TBX4: variants seen among roughly 807,000 people sequenced by gnomAD.
TBX4 encodes the protein T-box transcription factor 4.
A neutral mutation model predicts 54.6 loss-of-function variants in TBX4; 13 were observed. The observed-to-expected ratio is 0.24, with a 90% confidence interval of 0.15 to 0.38. TBX4 has a LOEUF of 0.38. Among genes scored for constraint, TBX4 ranks in the 10% least tolerant of loss-of-function variants. The probability of loss-of-function intolerance (pLI) is 1.00; values close to 1 mark genes in which losing one functional copy is unlikely to be tolerated. For synonymous variants in TBX4, 314 were observed against 306.7 expected, an observed-to-expected ratio of 1.02 and a Z score of -0.25; for missense variants, 631 against 728.5, an observed-to-expected ratio of 0.87 and a Z score of 1.54.
Position 61,479,779 on chromosome 17 carries a change from TGAGG to T in TBX4, c.703-93_703-90del. On this transcript the variant is annotated intron_variant, in intron 6 of 8. Coordinates refer to ENST00000644296, the MANE Select transcript of TBX4 (RefSeq NM_001321120.2). The surrounding 1 kb of genome is among the most constrained non-coding windows in gnomAD (Gnocchi z 6.1). ...AGCGGTGAGGCTGGAGAGCGACCCC[TGAGG>T]GAGGGAGGTTACATGTTATGATCCC... is the stretch of plus-strand genomic sequence containing the variant. 1 of 1,243,412 alleles carries T rather than the reference TGAGG, an allele frequency of 8.0e-7. No individual in the cohort carries two copies. The highest frequency in any genetic ancestry group is 1.2e-6 in the Non-Finnish European group (1 of 844,442). 77.0% of individuals were successfully genotyped at this position (1,243,412 alleles called of 1,614,324 possible).
At position 61,465,206 on chromosome 17, in the gene TBX4, G is replaced by A. The variant is rs1051728288; in HGVS notation, c.282-613G>A. On this transcript the variant is annotated intron_variant, in intron 3 of 8. Coordinates refer to ENST00000644296, the MANE Select transcript of TBX4 (RefSeq NM_001321120.2). The surrounding 1 kb of genome is among the most constrained non-coding windows in gnomAD (Gnocchi z 4.9). ...CAGGTCCAGGTGAGGTGTTCACAGGGAGAAGTACCCCCGATAGACACACTG... is the reference window on the plus strand; with the variant it reads ...CAGGTCCAGGTGAGGTGTTCACAGGAAGAAGTACCCCCGATAGACACACTG... 7.2e-5 allele frequency among the ~76,000 whole-genome samples: 11 copies of A among 152,146 alleles called. No individual in the cohort carries two copies. Among genetic ancestry groups the A allele is most frequent in the Non-Finnish European group, 1.3e-4 (9 of 68,022 alleles).
rs2060610388 is a variant in TBX4, at chr17:61,475,081, G to A, written c.550-3546G>A. Among the ~76,000 whole-genome samples, 3 of 152,324 alleles carry A rather than the reference G, an allele frequency of 2.0e-5. No individual in the cohort carries two copies. The highest frequency in any genetic ancestry group is 4.2e-4 in the South Asian group (2 of 4,818). On this transcript the variant is annotated intron_variant, in intron 5 of 8. Transcript: ENST00000644296. This position sits in a 1 kb window ranked among gnomAD's most constrained non-coding sequence, Gnocchi z 5.0. ...TCTGCACCCTTCTTGACTTCTCTAT[G>A]ACCGGGGTTACCCTCACCTAGTGGC...
At chr17:61,473,374 C>T (rs1019312056) in intron 5 of TBX4, among the ~76,000 whole-genome samples, 21 of 152,340 alleles carry the variant, frequency 1.4e-4, no homozygotes, top group South Asian at 1.0e-3. Flanking sequence ...GCCTAGCCAC[C>T]GTGTCTGGCA....
In TBX4 at chr17:61,474,669, T is replaced by C. The variant is rs2060606201; in HGVS notation, c.550-3958T>C. ...GAATCCCATTTCTGTGAAACGATGA[T>C]GACGGAACCAGTCATGTAGTGGGGT... On this transcript the variant is annotated intron_variant, in intron 5 of 8. Coordinates refer to ENST00000644296, the MANE Select transcript of TBX4 (RefSeq NM_001321120.2). The surrounding 1 kb of genome is among the most constrained non-coding windows in gnomAD (Gnocchi z 4.6). 2.6e-5 allele frequency among the ~76,000 whole-genome samples: 4 copies of C among 152,242 alleles called. No homozygotes were observed. The highest frequency in any genetic ancestry group is 7.2e-5 in the African/African-American group (3 of 41,464).
rs753009856 is a variant in TBX4 at position 61,465,850 on chromosome 17, A to G, written c.313A>G (p.Thr105Ala). The G allele has an allele frequency of 2.2e-5, 36 of 1,614,018 alleles. No individual in the cohort carries two copies. The Middle Eastern group carries it at 4.9e-4, about 22-fold the overall frequency. ...RMFPSYKVKV[T>A]GMNPKTKYIL... ...GTTCCCCAGCTACAAGGTAAAAGTC[A>G]CAGGCATGAACCCCAAGACCAAGTA... The change falls in exon 4 of 9, where the codon ACA becomes GCA. Residue 105 changes from threonine (T) to alanine (A), a missense_variant. Around this residue, in one of 3 missense-constraint regions of TBX4, gnomAD observed 154 missense variants for 238.6 expected, o/e 0.65. Coordinates refer to ENST00000644296, the MANE Select transcript of TBX4 (RefSeq NM_001321120.2). This position sits in a 1 kb window ranked among gnomAD's most constrained non-coding sequence, Gnocchi z 4.9.
In TBX4 at chr17:61,452,836, T is replaced by C. The variant is rs2060424007; in HGVS notation, c.-4+259T>C. The C allele has an allele frequency of 1.7e-5, 14 of 825,940 alleles. 1 individual carries two copies. In the South Asian group the frequency reaches 7.7e-4, roughly 46 times the overall value. The allele number at this position is 825,940 out of a possible 1,614,324, so 51.2% of individuals were successfully genotyped here. On this transcript the variant is annotated intron_variant, in intron 1 of 8. Transcript: ENST00000644296. ...TCTGAGTAACGCGATGAATTGGGTC[T>C]AGAGATCCAAGAGCATAGAAATATC...
chr17:61,466,057 C>T lies in TBX4; in HGVS notation c.401+119C>T, dbSNP rs532037404. The T allele has an allele frequency of 3.0e-5, 44 of 1,491,444 alleles. 2 individuals are homozygous for T. In the South Asian group the frequency reaches 4.9e-4, roughly 17 times the overall value. 92.4% of individuals were successfully genotyped at this position (1,491,444 alleles called of 1,614,324 possible). A position where few individuals can be genotyped will look rare whatever the true frequency, so the allele number is the denominator to read the frequency against. Reference sequence around the variant, plus strand: ...CTGAGTGACTGCCCAGGTCTGCAGGCTGGAGTCCACTGCCTGGAACTGGCT... The same window carrying T: ...CTGAGTGACTGCCCAGGTCTGCAGGTTGGAGTCCACTGCCTGGAACTGGCT... On this transcript the variant is annotated intron_variant, in intron 4 of 8. Coordinates refer to ENST00000644296, the MANE Select transcript of TBX4 (RefSeq NM_001321120.2).
chr17:61,479,806 C>A lies in TBX4; in HGVS notation c.703-75C>A. On this transcript the variant is annotated intron_variant, in intron 6 of 8. Transcript: ENST00000644296. This position sits in a 1 kb window ranked among gnomAD's most constrained non-coding sequence, Gnocchi z 6.1. ...AGGGAGGGAGGTTACATGTTATGAT[C>A]CCATTTACAAATGTGGAAACTGAGA... 1 of 1,444,356 alleles carries A rather than the reference C, an allele frequency of 6.9e-7. No homozygotes were observed. The highest frequency in any genetic ancestry group is 9.8e-7 in the Non-Finnish European group (1 of 1,025,380). The allele number at this position is 1,444,356 out of a possible 1,614,324, so 89.5% of individuals were successfully genotyped here.
In TBX4 at chr17:61,459,455, T is replaced by C. The variant is rs562544354; in HGVS notation, c.281+1824T>C. ...AAAGAGAAAGGTTCAGAACTGCCAT[T>C]TTTAGGCAGCAGAAATAACCTTGTC... On this transcript the variant is annotated intron_variant, in intron 3 of 8. Transcript: ENST00000644296. This position sits in a 1 kb window ranked among gnomAD's most constrained non-coding sequence, Gnocchi z 4.8. 1.2e-3 allele frequency among the ~76,000 whole-genome samples: 178 copies of C among 152,332 alleles called. 1 individual carries two copies. The highest frequency in any genetic ancestry group is 4.2e-3 in the African/African-American group (174 of 41,568).
rs1388174202 is a variant in TBX4 at position 61,465,659 on chromosome 17, G to A, written c.282-160G>A. ...CTTTTCACTGTGCAGCTCGGGCAGA[G>A]GGGGAAGTGAGTTGTGCAGGTCACA... On this transcript the variant is annotated intron_variant, in intron 3 of 8. Transcript: ENST00000644296. This position sits in a 1 kb window ranked among gnomAD's most constrained non-coding sequence, Gnocchi z 4.9. 1.4e-5 allele frequency: 13 copies of A among 901,660 alleles called. No individual in the cohort carries two copies. The highest frequency in any genetic ancestry group is 2.1e-5 in the Non-Finnish European group (12 of 564,988). The allele number at this position is 901,660 out of a possible 1,614,324, so 55.9% of individuals were successfully genotyped here. A position where few individuals can be genotyped will look rare whatever the true frequency, so the allele number is the denominator to read the frequency against.
chr17:61,481,773 TGTC>T lies in TBX4; in HGVS notation c.1022-1123_1022-1121del, dbSNP rs924648962. On this transcript the variant is annotated intron_variant, in intron 8 of 8. Coordinates refer to ENST00000644296, the MANE Select transcript of TBX4 (RefSeq NM_001321120.2). This position sits in a 1 kb window ranked among gnomAD's most constrained non-coding sequence, Gnocchi z 4.8. ...TGTGTGGGGTTTTTGTTGTTGTTGTTGTCCTTGTTTTGAGACGGAGTCTCTCTC... is the reference window on the plus strand; with the variant it reads ...TGTGTGGGGTTTTTGTTGTTGTTGTTCTTGTTTTGAGACGGAGTCTCTCTC... 3 of 152,282 alleles carry T rather than the reference TGTC, an allele frequency of 2.0e-5. No individual in the cohort carries two copies. The highest frequency in any genetic ancestry group is 4.8e-5 in the African/African-American group (2 of 41,420). The allele number at this position is 152,282 out of a possible 1,614,324, so 9.4% of individuals were successfully genotyped here.
At chr17:61,455,838 G>A (rs571610068) in intron 1 of TBX4, among the ~76,000 whole-genome samples, 17 of 152,326 alleles carry the variant, frequency 1.1e-4, no homozygotes, top group South Asian at 6.2e-4. Flanking sequence ...GTTTGGGTGT[G>A]AGGATGTCTG....
At chr17:61,458,198 C>T (rs1569032924) in intron 3 of TBX4, among the ~76,000 whole-genome samples, 1 of 148,900 alleles carries the variant, frequency 6.7e-6, no homozygotes. Context: ...CGGTGGCTGC[C>T]AGAAAAGGAT....
At chr17:61,473,903 G>A (rs748647873) in intron 5 of TBX4, among the ~76,000 whole-genome samples, 3 of 152,234 alleles carry the variant, frequency 2.0e-5, no homozygotes, top group Admixed American at 6.5e-5. Flanking sequence ...AAGGTTTGGA[G>A]GCCCCACGGT....
intron 5 of TBX4, among the ~76,000 whole-genome samples, chr17:61,477,880 G>T (rs1366292532): frequency 6.8e-6 from 1 of 147,048 alleles, no homozygotes; most frequent in Non-Finnish European, 1.5e-5. Context: ...AGTAGAGGTT[G>T]CAGTGAGCCA....
rs5821328 is a variant in TBX4 at position 61,472,789 on chromosome 17, A to ATTT, written c.549+5144_549+5146dup. Among the ~76,000 whole-genome samples the ATTT allele has an allele frequency of 4.1e-5, 6 of 144,916 alleles. No individual in the cohort carries two copies. Among genetic ancestry groups the ATTT allele is most frequent in the African/African-American group, 2.5e-5 (1 of 39,686 alleles). The stretch of plus-strand genomic sequence containing the variant: ...GGCATTGATTTGAGGTGTGAATCCA[A>ATTT]TTTTTTTTTTTTTTCTACAGAGCTA... On this transcript the variant is annotated intron_variant, in intron 5 of 8. Transcript: ENST00000644296. The surrounding 1 kb of genome is among the most constrained non-coding windows in gnomAD (Gnocchi z 4.5).
chr17:61,459,497 C>A lies in TBX4; in HGVS notation c.281+1866C>A, dbSNP rs932772119. On this transcript the variant is annotated intron_variant, in intron 3 of 8. Transcript: ENST00000644296. This position sits in a 1 kb window ranked among gnomAD's most constrained non-coding sequence, Gnocchi z 4.8. ...AACCTTGTCTCTTGAAAATAACTGG[C>A]CAGCATGTTCTCTGGGCATGTCTGG... Among the ~76,000 whole-genome samples the A allele has an allele frequency of 6.6e-6, 1 of 152,204 alleles. No homozygotes were observed. The highest frequency in any genetic ancestry group is 2.4e-5 in the African/African-American group (1 of 41,444).
intron 1 of TBX4, 63 bp from the exon 2 acceptor site, chr17:61,456,425 G>C (rs924403939): frequency 6.5e-7 from 1 of 1,535,890 alleles, no homozygotes; most frequent in Non-Finnish European, 8.8e-7. Flanking sequence ...GGCTGGAGAG[G>C]GCCAGGGGTC....
rs1230370273 is a variant in TBX4 at position 61,465,873 on chromosome 17, G to A, written c.336G>A (p.Lys112=). The change falls in exon 4 of 9, where the codon AAG becomes AAA. Residue 112 remains lysine (K), a synonymous_variant. Coordinates refer to ENST00000644296, the MANE Select transcript of TBX4 (RefSeq NM_001321120.2). This position sits in a 1 kb window ranked among gnomAD's most constrained non-coding sequence, Gnocchi z 4.9. ...VKVTGMNPKT[K]YILLIDIVPA... is the part of the protein sequence containing the mutation. ...TCACAGGCATGAACCCCAAGACCAAGTATATCCTGCTGATTGACATTGTCC... is the reference window on the plus strand; with the variant it reads ...TCACAGGCATGAACCCCAAGACCAAATATATCCTGCTGATTGACATTGTCC... The A allele has an allele frequency of 6.2e-7, 1 of 1,614,144 alleles. No homozygotes were observed. The highest frequency in any genetic ancestry group is 2.2e-5 in the East Asian group (1 of 44,882).
Sources: allele counts gnomAD v4.1 joint callset (sites outside exome capture counted in the v4.1 genomes callset), GRCh38; gene constraint gnomAD v4.1.1; regional missense constraint gnomAD v4.1.1; non-coding constraint Gnocchi (gnomAD v3.1); transcripts MANE v1.5; gene names NCBI Gene and HGNC (gene_info 2026-07-23, HGNC 2026-07-21).